TRMT61A: variants seen among roughly 807,000 people sequenced by gnomAD.
The protein encoded by TRMT61A is tRNA (adenine(58)-N(1))-methyltransferase catalytic subunit TRMT61A.
TRMT61A carries 15 observed loss-of-function variants against 21.3 expected under a neutral mutation model. The ratio of observed to expected loss-of-function variants is 0.70; its 90% CI spans 0.47 to 1.08. The LOEUF (loss-of-function observed/expected upper bound fraction) is 1.08, where lower values mean the gene tolerates loss of function less well. Among genes scored for constraint, TRMT61A ranks in the 50% least tolerant of loss-of-function variants. The pLI, the probability that TRMT61A is intolerant of heterozygous loss-of-function variation, is 0.00. For missense variants in TRMT61A, 352 were observed against 426.7 expected (o/e 0.83, Z 1.54); for synonymous variants, 183 against 185.5 (o/e 0.99, Z 0.11).
In TRMT61A at chr14:103,530,290, C is replaced by T. The variant is rs868102192; in HGVS notation, c.312C>T (p.Gly104=). ...LITMMLELRP[G]SVVCESGTGS... The stretch of plus-strand genomic sequence containing the variant: ...CCATGATGTTGGAGCTTCGGCCCGG[C>T]TCTGTGGTCTGTGAGTCTGGTGAGT... The change falls in exon 2 of 4, where the codon GGC becomes GGT. Residue 104 remains glycine, a synonymous_variant. Transcript: ENST00000389749. The T allele has an allele frequency of 1.9e-6, 3 of 1,587,152 alleles. No individual in the cohort carries two copies. The highest frequency in any genetic ancestry group is 2.7e-5 in the African/African-American group (2 of 74,674).
At chr14:103,529,845 C>T in intron 1 of TRMT61A, 105 bp from the exon 2 acceptor site, 2 of 824,784 alleles carry the variant, frequency 2.4e-6, no homozygotes, top group Non-Finnish European at 3.7e-6. Context: ...AGCCACACCC[C>T]GCCCATGCCC....
chr14:103,529,833 C>G (rs924209516), intron 1 of TRMT61A, 117 bp from the exon 2 acceptor site: 45 of 736,898 alleles, frequency 6.1e-5, no homozygotes, highest in Non-Finnish European at 9.2e-5. Flanking sequence ...TGAGGCTGAG[C>G]TAGCCACACC....
chr14:103,532,203 G>A (rs1170532520), intron 2 of TRMT61A, among the ~76,000 whole-genome samples: 1 of 152,168 alleles, frequency 6.6e-6, no homozygotes, highest in African/African-American at 2.4e-5. Flanking sequence ...ACAGGGCTGA[G>A]TGATGGGATG....
Position 103,529,248 on chromosome 14 carries a change from C to T in TRMT61A, c.-43C>T. On this transcript the variant is annotated 5_prime_UTR_variant, in exon 1 of 4. Coordinates refer to ENST00000389749, the MANE Select transcript of TRMT61A (RefSeq NM_152307.3). ...GGAGGCACGTGTGGAGCCCCGGCAG[C>T]AGGAGCGTCGCAGGTGAGACTCCGC... The T allele has an allele frequency of 3.1e-6, 1 of 326,030 alleles. No individual in the cohort carries two copies. Among genetic ancestry groups the T allele is most frequent in the Non-Finnish European group, 6.2e-6 (1 of 160,810 alleles). 20.2% of individuals were successfully genotyped at this position (326,030 alleles called of 1,614,324 possible). A position where few individuals can be genotyped will look rare whatever the true frequency, so the allele number is the denominator to read the frequency against.
At position 103,531,371 on chromosome 14, in the gene TRMT61A, G is replaced by C. The variant is rs2075953491; in HGVS notation, c.331+1062G>C. On this transcript the variant is annotated intron_variant, in intron 2 of 3. Transcript: ENST00000389749. This position sits in a 1 kb window ranked among gnomAD's most constrained non-coding sequence, Gnocchi z 5.1. ...AGGAGGGGACATTTGAGTTGAAAATGATGAGGAGGGACCTACGAAGAGCCA... is the reference window on the plus strand; with the variant it reads ...AGGAGGGGACATTTGAGTTGAAAATCATGAGGAGGGACCTACGAAGAGCCA... Among the ~76,000 whole-genome samples, 1 of 152,214 alleles carries C rather than the reference G, an allele frequency of 6.6e-6. No homozygotes were observed. Among genetic ancestry groups the C allele is most frequent in the Admixed American group, 6.5e-5 (1 of 15,286 alleles).
Position 103,534,978 on chromosome 14 carries a change from C to T in TRMT61A, c.*157C>T, listed in dbSNP as rs1484033505. ...GGCCAGAGTGGGACAGCAGGAAGGG[C>T]GGCTGTGATGGAGGAGCAGTGCTGG... On this transcript the variant is annotated 3_prime_UTR_variant, in exon 4 of 4. Transcript: ENST00000389749. 35 of 924,346 alleles carry T rather than the reference C, an allele frequency of 3.8e-5. No individual in the cohort carries two copies. Among genetic ancestry groups the T allele is most frequent in the South Asian group, 8.4e-5 (6 of 71,242 alleles). 57.3% of individuals were successfully genotyped at this position (924,346 alleles called of 1,614,324 possible).
intron 3 of TRMT61A, 50 bp downstream of exon 3, chr14:103,532,898 G>A (rs2075959752): frequency 6.6e-7 from 1 of 1,506,744 alleles, no homozygotes; most frequent in Non-Finnish European, 8.9e-7. Context: ...GGTGGGGCAA[G>A]GGTGCAGGAC....
chr14:103,532,589 C>CA lies in TRMT61A; in HGVS notation c.340dup (p.Ser114LysfsTer300). The CA allele has an allele frequency of 1.2e-6, 2 of 1,613,320 alleles. No homozygotes were observed. The highest frequency in any genetic ancestry group is 1.7e-6 in the Non-Finnish European group (2 of 1,180,000). ...CCCTTCTTGTCCTGCCAGGCACCGGCAGTGGCTCTGTGTCCCACGCCATCA... is the reference window on the plus strand; with the variant it reads ...CCCTTCTTGTCCTGCCAGGCACCGGCAAGTGGCTCTGTGTCCCACGCCATCA... On this transcript the variant is annotated frameshift_variant, in exon 3 of 4. Coordinates refer to ENST00000389749, the MANE Select transcript of TRMT61A (RefSeq NM_152307.3). LOFTEE classifies it high-confidence loss of function.
chr14:103,535,620 G>C lies in TRMT61A; in HGVS notation c.*799G>C, dbSNP rs1185361422. ...TGTGAATGCCAGCCTGTGAGTCCCG[G>C]AACTATGTGGGTACCCCTACCCCTC... On this transcript the variant is annotated 3_prime_UTR_variant, in exon 4 of 4. Transcript: ENST00000389749. 1 of 331,490 alleles carries C rather than the reference G, an allele frequency of 3.0e-6. No homozygotes were observed. Among genetic ancestry groups the C allele is most frequent in the South Asian group, 2.3e-5 (1 of 44,150 alleles). The allele number at this position is 331,490 out of a possible 1,614,324, so 20.5% of individuals were successfully genotyped here. A position where few individuals can be genotyped will look rare whatever the true frequency, so the allele number is the denominator to read the frequency against.
rs1461378112 is a variant in TRMT61A, at chr14:103,536,605, T to G, written c.*1784T>G. ...TGTCCCTGGGGTGTCATGAACTGGG[T>G]GACGCACACCCCTGAGATCTCAGTT... On this transcript the variant is annotated 3_prime_UTR_variant, in exon 4 of 4. Transcript: ENST00000389749. 1.3e-5 allele frequency: 2 copies of G among 152,166 alleles called. No homozygotes were observed. The highest frequency in any genetic ancestry group is 4.8e-5 in the African/African-American group (2 of 41,394). The allele number at this position is 152,166 out of a possible 1,614,324, so 9.4% of individuals were successfully genotyped here. A position where few individuals can be genotyped will look rare whatever the true frequency, so the allele number is the denominator to read the frequency against.
rs2075976563 is a variant in TRMT61A, at chr14:103,537,045, C to A, written c.*2224C>A. ...GCTTGGATCCTCACGTGGCCTGGAGCCAGCATTAAACTCCTGTATGTCCTT... is the reference window on the plus strand; with the variant it reads ...GCTTGGATCCTCACGTGGCCTGGAGACAGCATTAAACTCCTGTATGTCCTT... On this transcript the variant is annotated 3_prime_UTR_variant, in exon 4 of 4. Coordinates refer to ENST00000389749, the MANE Select transcript of TRMT61A (RefSeq NM_152307.3). 1 of 152,340 alleles carries A rather than the reference C, an allele frequency of 6.6e-6. No individual in the cohort carries two copies. Among genetic ancestry groups the A allele is most frequent in the Non-Finnish European group, 1.5e-5 (1 of 68,134 alleles). 9.4% of individuals were successfully genotyped at this position (152,340 alleles called of 1,614,324 possible). A position where few individuals can be genotyped will look rare whatever the true frequency, so the allele number is the denominator to read the frequency against.
chr14:103,535,380 G>C lies in TRMT61A; in HGVS notation c.*559G>C, dbSNP rs1464727674. The C allele has an allele frequency of 2.2e-6, 1 of 456,254 alleles. No homozygotes were observed. Among genetic ancestry groups the C allele is most frequent in the Non-Finnish European group, 4.4e-6 (1 of 226,814 alleles). 28.3% of individuals were successfully genotyped at this position (456,254 alleles called of 1,614,324 possible). The stretch of plus-strand genomic sequence containing the variant: ...GGAGACCAGGCCAGCCCAGGAACCA[G>C]GGAGGTGACCCTGCTCTCTGGCCTC... On this transcript the variant is annotated 3_prime_UTR_variant, in exon 4 of 4. Transcript: ENST00000389749.
chr14:103,532,009 A>C (rs2075956132), intron 2 of TRMT61A, among the ~76,000 whole-genome samples: 1 of 148,410 alleles, frequency 6.7e-6, no homozygotes, highest in African/African-American at 2.5e-5. Context: ...CTGCGTCCTG[A>C]GTCCAACCAG....
Position 103,534,518 on chromosome 14 carries a change from G to T in TRMT61A, c.599-32G>T, listed in dbSNP as rs771963820. On this transcript the variant is annotated intron_variant, in intron 3 of 3. Transcript: ENST00000389749. ...AGACGGGCCAGGCTCTGCCACCCCT[G>T]CCCTCTGACCCTCGGGTCCTGTTTC... is the stretch of plus-strand genomic sequence containing the variant. 5 of 1,531,642 alleles carry T rather than the reference G, an allele frequency of 3.3e-6. No homozygotes were observed. In the South Asian group the frequency reaches 3.8e-5, roughly 12 times the overall value. 94.9% of individuals were successfully genotyped at this position (1,531,642 alleles called of 1,614,324 possible). A position where few individuals can be genotyped will look rare whatever the true frequency, so the allele number is the denominator to read the frequency against.
At position 103,532,706 on chromosome 14, in the gene TRMT61A, T is replaced by C; in HGVS notation, c.456T>C (p.Arg152=). 6.2e-7 allele frequency: 1 copy of C among 1,612,824 alleles called. No homozygotes were observed. Among genetic ancestry groups the C allele is most frequent in the Non-Finnish European group, 8.5e-7 (1 of 1,179,794 alleles). ...EKAREEFQEH[R]VGRWVTVRTQ... is the part of the protein sequence containing the mutation. Reference sequence around the variant, plus strand: ...CCCGGGAGGAGTTCCAGGAGCACCGTGTGGGCCGCTGGGTGACTGTGCGCA... The same window carrying C: ...CCCGGGAGGAGTTCCAGGAGCACCGCGTGGGCCGCTGGGTGACTGTGCGCA... Residue 152 remains arginine, a synonymous_variant, in exon 3 of 4, where the codon CGT becomes CGC. Transcript: ENST00000389749.
chr14:103,533,179 TC>T (rs1446876835), intron 3 of TRMT61A, among the ~76,000 whole-genome samples: 2 of 152,068 alleles, frequency 1.3e-5, no homozygotes, highest in East Asian at 3.9e-4. Context: ...AAACCTCTCC[TC>T]CCCCAGGCTC....
At chr14:103,533,456 T>G (rs2075961821) in intron 3 of TRMT61A, among the ~76,000 whole-genome samples, 1 of 152,198 alleles carries the variant, frequency 6.6e-6, no homozygotes, top group South Asian at 2.1e-4. Flanking sequence ...AGCAAGGCTG[T>G]GGCCGGGGGT....
Position 103,531,023 on chromosome 14 carries a change from G to A in TRMT61A, c.331+714G>A, listed in dbSNP as rs998548567. 2.0e-5 allele frequency among the ~76,000 whole-genome samples: 3 copies of A among 152,210 alleles called. No homozygotes were observed. The highest frequency in any genetic ancestry group is 4.4e-5 in the Non-Finnish European group (3 of 68,026). On this transcript the variant is annotated intron_variant, in intron 2 of 3. Transcript: ENST00000389749. The surrounding 1 kb of genome is among the most constrained non-coding windows in gnomAD (Gnocchi z 5.1). ...TCCCTGGGGTGTCTGGGTGGGAGGG[G>A]TGGAGAGCAGGACTTAGCCAACTCC... is the stretch of plus-strand genomic sequence containing the variant.
chr14:103,532,976 C>A, intron 3 of TRMT61A, 128 bp downstream of exon 3: 1 of 1,296,016 alleles, frequency 7.7e-7, no homozygotes, highest in South Asian at 1.5e-5. Context: ...GGCCAGGGCC[C>A]CACTTTGGCC....
Sources: gnomAD v4.1 joint callset for allele counts (sites outside exome capture counted in the v4.1 genomes callset) on GRCh38, gnomAD v4.1.1 for gene constraint, Gnocchi (gnomAD v3.1) non-coding constraint, MANE v1.5 for transcripts, NCBI Gene and HGNC (gene_info 2026-07-23, HGNC 2026-07-21) for gene names.